Variants in CSMD1 observed in about 807,000 individuals in gnomAD.
CSMD1 encodes CUB and sushi domain-containing protein 1.
Under a neutral mutation model 417.5 loss-of-function variants are expected in CSMD1, and 213 were observed. That is an observed-to-expected ratio of 0.51 (90% confidence interval 0.46 to 0.57). The LOEUF (loss-of-function observed/expected upper bound fraction) is 0.57. Among genes scored for constraint, CSMD1 ranks in the 20% least tolerant of loss-of-function variants. CSMD1 has a pLI of 0.00. For synonymous variants in CSMD1, 2,862 were observed against 1,736.8 expected (o/e 1.65, Z -16.11); for missense variants, 6,923 against 4,529.7 (o/e 1.53, Z -15.17).
chr8:3,169,923 C>G (rs2129043427), intron 37 of CSMD1, among the ~76,000 whole-genome samples: 1 of 152,288 alleles, frequency 6.6e-6, no homozygotes, highest in African/African-American at 2.4e-5. Flanking sequence ...TGGATGACCC[C>G]TTCCTCCTCT....
chr8:3,482,038 T>C (rs1817778083), intron 11 of CSMD1, among the ~76,000 whole-genome samples: 2 of 151,984 alleles, frequency 1.3e-5, no homozygotes, highest in African/African-American at 2.4e-5. Flanking sequence ...TACAAAGAAA[T>C]ACATGAAATA....
At chr8:3,837,865 C>T (rs983806850) in intron 5 of CSMD1, among the ~76,000 whole-genome samples, 1 of 152,140 alleles carries the variant, frequency 6.6e-6, no homozygotes, top group Admixed American at 6.6e-5. Flanking sequence ...TCATTCCAAC[C>T]TCACAGGACT....
At chr8:4,621,782 C>G (rs1409072402) in intron 2 of CSMD1, among the ~76,000 whole-genome samples, 1 of 151,950 alleles carries the variant, frequency 6.6e-6, no homozygotes, top group Non-Finnish European at 1.5e-5. Flanking sequence ...TTTAAATGAA[C>G]TACTGTAAGT....
At chr8:3,097,074 A>G in intron 46 of CSMD1, 37 bp from the exon 47 acceptor site, 1 of 1,445,404 alleles carries the variant, frequency 6.9e-7, no homozygotes, top group East Asian at 2.5e-5. Flanking sequence ...TTGCTTTAAT[A>G]AAATGATTCC....
At chr8:4,061,952 C>A (rs1788675910) in intron 3 of CSMD1, among the ~76,000 whole-genome samples, 2 of 152,108 alleles carry the variant, frequency 1.3e-5, no homozygotes, top group South Asian at 4.1e-4. Flanking sequence ...TCTTCATCAG[C>A]ATTATCTTAG....
chr8:4,025,376 C>T (rs1797008209), intron 4 of CSMD1, among the ~76,000 whole-genome samples: 1 of 152,138 alleles, frequency 6.6e-6, no homozygotes, highest in Admixed American at 6.5e-5. Context: ...CTGTAGGACC[C>T]TAGATCTCAA....
intron 12 of CSMD1, among the ~76,000 whole-genome samples, chr8:3,466,129 C>G (rs1005713253): frequency 1.3e-5 from 2 of 151,888 alleles, no homozygotes; most frequent in African/African-American, 4.8e-5. Flanking sequence ...AGTTCTTACT[C>G]CATGTGTTAT....
At chr8:4,486,016 AT>A (rs979274751) in intron 2 of CSMD1, among the ~76,000 whole-genome samples, 1 of 151,314 alleles carries the variant, frequency 6.6e-6, no homozygotes, top group Non-Finnish European at 1.5e-5. Context: ...AATAGCAATT[AT>A]TTTTTTCTAG....
intron 2 of CSMD1, among the ~76,000 whole-genome samples, chr8:4,609,337 G>GT (rs1422243408): frequency 6.6e-6 from 1 of 152,170 alleles, no homozygotes; most frequent in East Asian, 1.9e-4. Flanking sequence ...GGAGGCAGAG[G>GT]TTGTAGTGAG....
intron 49 of CSMD1, among the ~76,000 whole-genome samples, chr8:3,071,994 G>A (rs1464795397): frequency 6.6e-6 from 1 of 152,078 alleles, no homozygotes; most frequent in African/African-American, 2.4e-5. Context: ...ATAATCCACT[G>A]GTCTATTAAC....
At chr8:3,909,755 G>C (rs1160100038) in intron 5 of CSMD1, among the ~76,000 whole-genome samples, 1 of 152,100 alleles carries the variant, frequency 6.6e-6, no homozygotes, top group Non-Finnish European at 1.5e-5. Context: ...TCTTGACTCT[G>C]GAGCTAATAC....
At chr8:4,903,694 T>C (rs1208983020) in intron 1 of CSMD1, among the ~76,000 whole-genome samples, 1 of 152,152 alleles carries the variant, frequency 6.6e-6, no homozygotes, top group Non-Finnish European at 1.5e-5. Flanking sequence ...AAGGTTGTAA[T>C]AAGGTCCCAC....
chr8:3,134,575 T>G (rs899461001), intron 41 of CSMD1, among the ~76,000 whole-genome samples: 3 of 152,204 alleles, frequency 2.0e-5, no homozygotes, highest in Admixed American at 6.5e-5. Flanking sequence ...GTCGAGTGGT[T>G]TTGCAACTTG....
intron 10 of CSMD1, among the ~76,000 whole-genome samples, chr8:3,522,690 G>A (rs1346456041): frequency 6.6e-6 from 1 of 151,884 alleles, no homozygotes; most frequent in Admixed American, 6.6e-5. Flanking sequence ...TAGATCAGTC[G>A]TCCCGGTACA....
At chr8:3,736,372 G>A (rs971569198) in intron 6 of CSMD1, among the ~76,000 whole-genome samples, 2 of 151,838 alleles carry the variant, frequency 1.3e-5, no homozygotes, top group Non-Finnish European at 2.9e-5. Context: ...CTTCCAAGAA[G>A]CTGAGACACA....
chr8:3,559,833 A>G (rs1159446588), intron 10 of CSMD1, among the ~76,000 whole-genome samples: 1 of 152,184 alleles, frequency 6.6e-6, no homozygotes, highest in Non-Finnish European at 1.5e-5. Flanking sequence ...AAAACAAAAC[A>G]TATGGCAAGA....
intron 4 of CSMD1, among the ~76,000 whole-genome samples, chr8:4,004,057 G>A (rs563957459): frequency 6.8e-4 from 104 of 152,058 alleles, no homozygotes; most frequent in African/African-American, 2.4e-3. Context: ...ACAGAAAAAA[G>A]GGTATAATGT....
intron 26 of CSMD1, among the ~76,000 whole-genome samples, chr8:3,259,787 T>C (rs562822386): frequency 1.3e-5 from 2 of 152,338 alleles, no homozygotes; most frequent in East Asian, 1.9e-4. Flanking sequence ...GGAAATCAAA[T>C]CTGGCCCATC....
At chr8:4,784,082 T>C (rs892961695) in intron 1 of CSMD1, among the ~76,000 whole-genome samples, 2 of 152,220 alleles carry the variant, frequency 1.3e-5, no homozygotes, top group African/African-American at 4.8e-5. Flanking sequence ...TGTCATAGGA[T>C]TTGGTTCTCT....
Sources: allele counts gnomAD v4.1 joint callset (sites outside exome capture counted in the v4.1 genomes callset), GRCh38; gene constraint gnomAD v4.1.1; transcripts MANE v1.5; gene names NCBI Gene and HGNC (gene_info 2026-07-23, HGNC 2026-07-21).